Variants in DCLK2 observed in about 807,000 individuals in gnomAD.
DCLK2 encodes the protein serine/threonine-protein kinase DCLK2.
In DCLK2, 31 loss-of-function variants were observed where a neutral mutation model predicts 78.4. The observed-to-expected ratio is 0.40, with a 90% confidence interval of 0.30 to 0.53. The LOEUF (loss-of-function observed/expected upper bound fraction) is 0.53. DCLK2 is among the 20% of genes least tolerant of loss of function. The pLI is 0.61. For missense variants in DCLK2, 872 were observed against 973.7 expected (o/e 0.90, Z 1.39); for synonymous variants, 407 against 374.9 (o/e 1.09, Z -0.99).
At chr4:150,114,237 T>C (rs1171420541) in intron 2 of DCLK2, among the ~76,000 whole-genome samples, 1 of 152,226 alleles carries the variant, frequency 6.6e-6, no homozygotes, top group African/African-American at 2.4e-5. Context: ...GAATAGAATG[T>C]TCTGTAAATA....
intron 12 of DCLK2, 36 bp from the exon 13 acceptor site, chr4:150,247,567 T>C: frequency 6.3e-7 from 1 of 1,594,956 alleles, no homozygotes. Context: ...CTACGGTGAC[T>C]TTGACTTTTC....
intron 1 of DCLK2, among the ~76,000 whole-genome samples, chr4:150,100,371 A>G (rs554595662): frequency 5.3e-5 from 8 of 152,358 alleles, no homozygotes; most frequent in Admixed American, 3.9e-4. Flanking sequence ...AGAGAAATTT[A>G]GGAAGCATCT....
At chr4:150,111,396 A>G (rs1731683237) in intron 2 of DCLK2, among the ~76,000 whole-genome samples, 3 of 152,222 alleles carry the variant, frequency 2.0e-5, no homozygotes, top group East Asian at 1.9e-4. Flanking sequence ...TGTTGGATGC[A>G]TAGTTTGCAA....
chr4:150,249,194 G>A (rs1743557838), intron 14 of DCLK2, among the ~76,000 whole-genome samples: 1 of 152,000 alleles, frequency 6.6e-6, no homozygotes, highest in East Asian at 1.9e-4. Context: ...ATGAATTCTT[G>A]ATTAAAGTGA....
At chr4:150,204,952 T>C (rs946464563) in intron 5 of DCLK2, among the ~76,000 whole-genome samples, 1 of 152,106 alleles carries the variant, frequency 6.6e-6, no homozygotes, top group Non-Finnish European at 1.5e-5. Context: ...GGTAATGAAT[T>C]CTGAGAATAC....
At chr4:150,189,109 AT>A (rs1269884293) in intron 2 of DCLK2, among the ~76,000 whole-genome samples, 5 of 152,056 alleles carry the variant, frequency 3.3e-5, no homozygotes, top group African/African-American at 9.6e-5. Flanking sequence ...AAATTAACTG[AT>A]TTTTTTCAGA....
intron 1 of DCLK2, among the ~76,000 whole-genome samples, chr4:150,099,576 T>C (rs903046689): frequency 2.0e-5 from 3 of 152,198 alleles, no homozygotes; most frequent in African/African-American, 7.2e-5. Context: ...CTTTAGGGGT[T>C]TGTGTGGCCA....
chr4:150,218,060 T>G (rs1047206746), intron 5 of DCLK2, among the ~76,000 whole-genome samples: 18 of 149,828 alleles, frequency 1.2e-4, no homozygotes, highest in Non-Finnish European at 2.1e-4. Context: ...ACTCTCGCTC[T>G]CTCTCTCGCT....
intron 10 of DCLK2, among the ~76,000 whole-genome samples, chr4:150,234,060 C>T (rs951909297): frequency 1.3e-5 from 2 of 152,144 alleles, no homozygotes; most frequent in African/African-American, 2.4e-5. Flanking sequence ...AATCCAAACA[C>T]AGATTCCTCC....
rs376979314 is a variant in DCLK2 at position 150,195,422 on chromosome 4, A to ATTATAT, written c.859+2182_859+2183insTTATAT. Among the ~76,000 whole-genome samples, 2 of 1,756 alleles carry ATTATAT rather than the reference A, an allele frequency of 1.1e-3. 1 individual carries two copies. The highest frequency in any genetic ancestry group is 6.4e-3 in the Non-Finnish European group (2 of 314). 1.2% of individuals were successfully genotyped at this position (1,756 alleles called of 152,430 possible). On this transcript the variant is annotated intron_variant, in intron 3 of 15. Transcript: ENST00000296550. ...ATATTATATATTATATATATTATAT[A>ATTATAT]ATATTATATATTATATATATAATAT...
intron 15 of DCLK2, 124 bp downstream of exon 15, chr4:150,249,808 T>G: frequency 1.2e-6 from 1 of 803,046 alleles, no homozygotes; most frequent in Non-Finnish European, 2.1e-6. Flanking sequence ...CATATGAAGA[T>G]TGGCTTGGCA....
intron 5 of DCLK2, among the ~76,000 whole-genome samples, chr4:150,208,294 A>G (rs1293219984): frequency 6.6e-6 from 1 of 152,244 alleles, no homozygotes; most frequent in Non-Finnish European, 1.5e-5. Flanking sequence ...TTTTGGTCAT[A>G]AAAGAGTTTT....
At chr4:150,188,644 G>A (rs936925585) in intron 2 of DCLK2, among the ~76,000 whole-genome samples, 1 of 152,086 alleles carries the variant, frequency 6.6e-6, no homozygotes, top group African/African-American at 2.4e-5. Context: ...GCTCACGCCT[G>A]TAATCCCAAC....
rs1304241708 is a variant in DCLK2, at chr4:150,078,683, C to G, written c.-345C>G. The G allele has an allele frequency of 5.6e-6, 1 of 177,834 alleles. No homozygotes were observed. Among genetic ancestry groups the G allele is most frequent in the Non-Finnish European group, 1.2e-5 (1 of 85,350 alleles). The allele number at this position is 177,834 out of a possible 1,614,324, so 11.0% of individuals were successfully genotyped here. A position where few individuals can be genotyped will look rare whatever the true frequency, so the allele number is the denominator to read the frequency against. On this transcript the variant is annotated 5_prime_UTR_variant, in exon 1 of 16. Coordinates refer to ENST00000296550, the MANE Select transcript of DCLK2 (RefSeq NM_001040260.4). ...GGGCCCAGCGCGAGCCTCGGGCGGC[C>G]CAACTTTGCCTCTCCCGGTCGGCTC...
At chr4:150,090,961 G>A (rs2150138905) in intron 1 of DCLK2, among the ~76,000 whole-genome samples, 1 of 152,298 alleles carries the variant, frequency 6.6e-6, no homozygotes, top group East Asian at 1.9e-4. Context: ...CAGAGACAAG[G>A]CAAATGAGTA....
Position 150,225,843 on chromosome 4 carries a change from G to C in DCLK2, c.1299+1285G>C, listed in dbSNP as rs554141434. Among the ~76,000 whole-genome samples the C allele has an allele frequency of 2.6e-5, 4 of 152,234 alleles. No homozygotes were observed. In the East Asian group the frequency reaches 7.7e-4, roughly 29 times the overall value. On this transcript the variant is annotated intron_variant, in intron 8 of 15. Transcript: ENST00000296550. ...TTCTATAAAGTGTATTCCTGGCCCTGCCTCTTCTTGGAAAATTTATTTAAC... is the reference window on the plus strand; with the variant it reads ...TTCTATAAAGTGTATTCCTGGCCCTCCCTCTTCTTGGAAAATTTATTTAAC...
chr4:150,084,701 G>A (rs1057132089), intron 1 of DCLK2, among the ~76,000 whole-genome samples: 5 of 152,154 alleles, frequency 3.3e-5, no homozygotes, highest in Middle Eastern at 3.2e-3. Context: ...TTAAACTATG[G>A]AAAAGGATAT....
At chr4:150,163,647 TTC>T (rs1488703071) in intron 2 of DCLK2, among the ~76,000 whole-genome samples, 8 of 152,194 alleles carry the variant, frequency 5.3e-5, no homozygotes, top group African/African-American at 1.4e-4. Flanking sequence ...CTAGAAAATA[TTC>T]TCTCTGGCTT....
intron 2 of DCLK2, among the ~76,000 whole-genome samples, chr4:150,154,858 C>T (rs1224675684): frequency 6.6e-6 from 1 of 152,032 alleles, no homozygotes; most frequent in African/African-American, 2.4e-5. Flanking sequence ...GTCATGTGAC[C>T]ACCTCTGAAA....
Sources: gnomAD v4.1 joint callset for allele counts (sites outside exome capture counted in the v4.1 genomes callset) on GRCh38, gnomAD v4.1.1 for gene constraint, MANE v1.5 for transcripts, NCBI Gene and HGNC (gene_info 2026-07-23, HGNC 2026-07-21) for gene names.